ATXN7: variants seen among roughly 807,000 people sequenced by gnomAD.
The protein encoded by ATXN7 is ataxin-7.
ATXN7 carries 12 observed loss-of-function variants against 70.5 expected under a neutral mutation model. The observed-to-expected ratio is 0.17, with a 90% CI of 0.11 to 0.28. The LOEUF (loss-of-function observed/expected upper bound fraction) is 0.28. Among genes scored for constraint, ATXN7 ranks in the 10% least tolerant of loss-of-function variants. ATXN7 has a pLI of 1.00. For missense variants in ATXN7, 1,256 were observed against 1,131.7 expected (o/e 1.11, Z -1.58); for synonymous variants, 498 against 448.7 (o/e 1.11, Z -1.39).
intron 4 of ATXN7, among the ~76,000 whole-genome samples, chr3:63,917,304 T>C (rs182138606): frequency 6.6e-6 from 1 of 152,364 alleles, no homozygotes; most frequent in Non-Finnish European, 1.5e-5. Flanking sequence ...GACAAATTAC[T>C]GCTTTTTCCC....
chr3:63,902,365 C>T (rs549210131), intron 2 of ATXN7, among the ~76,000 whole-genome samples: 1 of 152,178 alleles, frequency 6.6e-6, no homozygotes, highest in African/African-American at 2.4e-5. Flanking sequence ...GCCGTGATTG[C>T]ACCAGCTGGA....
At chr3:63,951,173 G>A (rs886402740) in intron 4 of ATXN7, among the ~76,000 whole-genome samples, 16 of 152,066 alleles carry the variant, frequency 1.1e-4, no homozygotes, top group African/African-American at 3.6e-4. Flanking sequence ...AGTATATTTC[G>A]GATTATAGCT....
At chr3:63,913,335 G>A (rs1253956960) in intron 4 of ATXN7, 110 bp downstream of exon 4, 1 of 1,173,182 alleles carries the variant, frequency 8.5e-7, no homozygotes, top group African/African-American at 1.5e-5. Flanking sequence ...GACTCCCCGT[G>A]CCTGCGAAGA....
chr3:63,945,635 C>G (rs1406049553), intron 4 of ATXN7, among the ~76,000 whole-genome samples: 1 of 152,234 alleles, frequency 6.6e-6, no homozygotes, highest in Non-Finnish European at 1.5e-5. Context: ...TTGCTGCTTT[C>G]TGTCAGCCAG....
In ATXN7 at chr3:63,996,429, C is replaced by T. The variant is rs754168610; in HGVS notation, c.2607C>T (p.His869=). Residue 869 remains histidine (H), a synonymous_variant, in exon 12 of 13, where the codon CAC becomes CAT. Transcript: ENST00000674280. ...CCGTGAACAATGTCCACATGAAACA[C>T]ACAGGCACCATCCCAGGGGCACAAG... is the stretch of plus-strand genomic sequence containing the variant. ...VPAVNNVHMK[H]TGTIPGAQGL... is the part of the protein sequence containing the mutation. 2 of 1,614,060 alleles carry T rather than the reference C, an allele frequency of 1.2e-6. No individual in the cohort carries two copies. The highest frequency in any genetic ancestry group is 1.3e-5 in the African/African-American group (1 of 74,910).
chr3:63,867,289 T>C (rs1702458705), intron 1 of ATXN7, among the ~76,000 whole-genome samples: 2 of 152,338 alleles, frequency 1.3e-5, no homozygotes, highest in East Asian at 1.9e-4. Flanking sequence ...TAGAGACACA[T>C]CTTTTTATTG....
chr3:63,864,144 G>T lies in ATXN7; in HGVS notation c.-125G>T, dbSNP rs1456043141. ...ACGCCCAGAGGCCGCCCCGGAGGCC[G>T]CAGCCAGCCGCCAGGTGAGCTCGCC... On this transcript the variant is annotated 5_prime_UTR_variant, in exon 1 of 13. Transcript: ENST00000674280. 4.7e-5 allele frequency among the ~76,000 whole-genome samples: 7 copies of T among 149,096 alleles called. No homozygotes were observed. The highest frequency in any genetic ancestry group is 7.5e-5 in the Non-Finnish European group (5 of 67,060).
At chr3:63,967,054 T>C (rs2075236145) in intron 5 of ATXN7, among the ~76,000 whole-genome samples, 1 of 152,170 alleles carries the variant, frequency 6.6e-6, no homozygotes, top group Non-Finnish European at 1.5e-5. Context: ...GACTCTTGCC[T>C]CACCCTCCCA....
Position 64,001,582 on chromosome 3 carries a change from T to G in ATXN7, c.*2115T>G, listed in dbSNP as rs1287843440. On this transcript the variant is annotated 3_prime_UTR_variant, in exon 13 of 13. Coordinates refer to ENST00000674280, the MANE Select transcript of ATXN7 (RefSeq NM_001377405.1). ...TGTGAATAGGATCCACAATAACAAG[T>G]TGATTCAGACTAATGTAGATATTTA... The G allele has an allele frequency of 1.3e-5, 2 of 152,224 alleles. No homozygotes were observed. The highest frequency in any genetic ancestry group is 2.9e-5 in the Non-Finnish European group (2 of 68,032). 9.4% of individuals were successfully genotyped at this position (152,224 alleles called of 1,614,324 possible).
chr3:63,915,152 G>A (rs1424330946), intron 4 of ATXN7, among the ~76,000 whole-genome samples: 1 of 152,166 alleles, frequency 6.6e-6, no homozygotes, highest in Admixed American at 6.5e-5. Flanking sequence ...GGCCACGATG[G>A]TCTCAATCTC....
At chr3:63,920,782 T>C (rs1704482943) in intron 4 of ATXN7, among the ~76,000 whole-genome samples, 1 of 152,102 alleles carries the variant, frequency 6.6e-6, no homozygotes, top group Admixed American at 6.5e-5. Flanking sequence ...GCAAACACAA[T>C]CATCTGGGAT....
At chr3:63,903,596 G>C (rs1703730605) in intron 2 of ATXN7, 1 of 152,146 alleles carries the variant, frequency 6.6e-6, no homozygotes, top group Non-Finnish European at 1.5e-5. Flanking sequence ...TGTGAAAGTA[G>C]CTAACACACT....
chr3:63,887,181 G>A (rs1703114329), intron 1 of ATXN7, among the ~76,000 whole-genome samples: 1 of 152,190 alleles, frequency 6.6e-6, no homozygotes, highest in Non-Finnish European at 1.5e-5. Flanking sequence ...GAGATACAGG[G>A]AATCAGGGGG....
intron 5 of ATXN7, among the ~76,000 whole-genome samples, chr3:63,979,322 G>A (rs868332236): frequency 6.6e-6 from 1 of 152,182 alleles, no homozygotes; most frequent in East Asian, 1.9e-4. Flanking sequence ...ATTAAAAAAG[G>A]GGGGGTGGGA....
chr3:63,956,117 C>T (rs2075034863), intron 5 of ATXN7, among the ~76,000 whole-genome samples: 1 of 152,160 alleles, frequency 6.6e-6, no homozygotes, highest in African/African-American at 2.4e-5. Flanking sequence ...TCTGATTGCT[C>T]TCACAGCATA....
intron 5 of ATXN7, among the ~76,000 whole-genome samples, chr3:63,978,305 C>G (rs1465115338): frequency 1.3e-5 from 2 of 152,162 alleles, no homozygotes; most frequent in Non-Finnish European, 2.9e-5. Context: ...CTCCTTTTCA[C>G]AAGAAAAGCT....
intron 5 of ATXN7, among the ~76,000 whole-genome samples, chr3:63,959,637 TTAGA>T (rs1240758458): frequency 1.3e-5 from 2 of 152,252 alleles, no homozygotes; most frequent in East Asian, 3.8e-4. Flanking sequence ...TTAAGTAGCA[TTAGA>T]TAAAGGTTTA....
At chr3:63,927,055 A>G (rs1288449107) in intron 4 of ATXN7, among the ~76,000 whole-genome samples, 1 of 152,202 alleles carries the variant, frequency 6.6e-6, no homozygotes, top group Non-Finnish European at 1.5e-5. Context: ...TTCTTTATGC[A>G]GTCTATCATT....
chr3:63,951,940 A>G (rs1412274972), intron 4 of ATXN7, among the ~76,000 whole-genome samples: 2 of 152,220 alleles, frequency 1.3e-5, no homozygotes, highest in African/African-American at 2.4e-5. Flanking sequence ...CAGCAGTTCT[A>G]TTCCTCTGTC....
Sources: gnomAD v4.1 joint callset for allele counts (sites outside exome capture counted in the v4.1 genomes callset) on GRCh38, gnomAD v4.1.1 for gene constraint, MANE v1.5 for transcripts, NCBI Gene and HGNC (gene_info 2026-07-23, HGNC 2026-07-21) for gene names.